CHRM3: variants seen among roughly 807,000 people sequenced by gnomAD.
The protein encoded by CHRM3 is cholinergic receptor muscarinic 3.
CHRM3 carries 11 observed loss-of-function variants against 41.8 expected under a neutral mutation model. The observed-to-expected ratio is 0.26, with a 90% CI of 0.17 to 0.44. CHRM3 has a LOEUF of 0.44. Ranked by LOEUF, CHRM3 falls within the 20% of genes least tolerant of loss-of-function variation. CHRM3 has a pLI of 1.00. For synonymous variants in CHRM3, 297 were observed against 301.4 expected (o/e 0.99, Z 0.15); for missense variants, 571 against 745.4 (o/e 0.77, Z 2.72).
chr1:239,705,273 G>T (rs1572039934), intron 5 of CHRM3: 1 of 152,282 alleles, frequency 6.6e-6, no homozygotes, highest in Non-Finnish European at 1.5e-5. Flanking sequence ...CCCTATCTGA[G>T]CACAGTCGAC....
chr1:239,851,292 G>T (rs992397059), intron 6 of CHRM3, among the ~76,000 whole-genome samples: 37 of 152,182 alleles, frequency 2.4e-4, no homozygotes, highest in African/African-American at 8.4e-4. Flanking sequence ...ATTTGAACTA[G>T]AATTTCCATC....
At chr1:239,724,095 A>C (rs755561124) in intron 5 of CHRM3, among the ~76,000 whole-genome samples, 5 of 151,756 alleles carry the variant, frequency 3.3e-5, no homozygotes, top group Non-Finnish European at 5.9e-5. Flanking sequence ...TATTGGCCCA[A>C]AGTCAGAAGC....
intron 3 of CHRM3, 168 bp downstream of exon 3, chr1:239,545,917 G>C (rs1378591744): frequency 6.6e-6 from 1 of 152,070 alleles, no homozygotes; most frequent in Admixed American, 6.6e-5. Flanking sequence ...AAAATGAAGA[G>C]GCATGCTGAG....
intron 2 of CHRM3, among the ~76,000 whole-genome samples, chr1:239,496,492 G>T (rs980700101): frequency 6.8e-6 from 1 of 147,948 alleles, no homozygotes; most frequent in East Asian, 2.0e-4. Flanking sequence ...GAAATATCTA[G>T]TGTATGCTAG....
chr1:239,867,737 C>T (rs932331449), intron 6 of CHRM3, among the ~76,000 whole-genome samples: 2 of 150,264 alleles, frequency 1.3e-5, no homozygotes, highest in South Asian at 2.1e-4. Context: ...CGGAACTTAA[C>T]ATCGTACCTA....
At chr1:239,651,988 T>G (rs1013107312) in intron 4 of CHRM3, among the ~76,000 whole-genome samples, 1,098 of 63,494 alleles carry the variant, frequency 0.017, 9 homozygotes, top group African/African-American at 0.063. Flanking sequence ...AGTTTTTGTT[T>G]TTTTTTTTTT....
chr1:239,675,709 A>C (rs1006576455), intron 4 of CHRM3, among the ~76,000 whole-genome samples: 1 of 152,256 alleles, frequency 6.6e-6, no homozygotes, highest in African/African-American at 2.4e-5. Flanking sequence ...TTGGAAAAGC[A>C]TTAAAAATAT....
At position 239,404,719 on chromosome 1, in the gene CHRM3, AATATATAT is replaced by A. The variant is rs67746016; in HGVS notation, c.-521+17523_-521+17530del. Among the ~76,000 whole-genome samples, 531 of 97,342 alleles carry A rather than the reference AATATATAT, an allele frequency of 5.5e-3. 7 individuals carry two copies. Among genetic ancestry groups the A allele is most frequent in the Admixed American group, 0.01 (91 of 8,850 alleles). 63.9% of individuals were successfully genotyped at this position (97,342 alleles called of 152,430 possible). On this transcript the variant is annotated intron_variant, in intron 1 of 6. Coordinates refer to ENST00000676153, the MANE Select transcript of CHRM3 (RefSeq NM_001375978.1). ...CATTAAATGTATCATGCTATATCTA[AATATATAT>A]ATATATATATATATATATATATATA... is the stretch of plus-strand genomic sequence containing the variant.
intron 5 of CHRM3, among the ~76,000 whole-genome samples, chr1:239,695,686 T>A (rs1201673616): frequency 3.9e-5 from 6 of 151,970 alleles, no homozygotes; most frequent in African/African-American, 1.4e-4. Context: ...GATTTTTCCC[T>A]CAGAGTACTC....
chr1:239,740,194 C>T (rs1038118720), intron 5 of CHRM3, among the ~76,000 whole-genome samples: 4 of 152,198 alleles, frequency 2.6e-5, no homozygotes, highest in Non-Finnish European at 5.9e-5. Context: ...AGAAATAATA[C>T]AACGGAATAG....
chr1:239,908,841 G>C lies in CHRM3; in HGVS notation c.1390G>C (p.Ala464Pro). The C allele has an allele frequency of 6.2e-7, 1 of 1,614,108 alleles. No homozygotes were observed. Among genetic ancestry groups the C allele is most frequent in the Non-Finnish European group, 8.5e-7 (1 of 1,180,048 alleles). ...LPLSFKEATL[A>P]KRFALKTRSQ... ...TCTGTCCTTCAAGGAAGCCACTCTG[G>C]CCAAGAGGTTTGCTCTGAAGACCAG... The change falls in exon 7 of 7, where the codon GCC becomes CCC. Residue 464 changes from alanine to proline, a missense_variant. By Grantham distance (27) the Ala-to-Pro change is conservative (BLOSUM62 -1). Transcript: ENST00000676153. The surrounding 1 kb of genome is among the most constrained non-coding windows in gnomAD (Gnocchi z 7.2).
intron 6 of CHRM3, among the ~76,000 whole-genome samples, chr1:239,905,340 G>A (rs1407942096): frequency 6.6e-6 from 1 of 152,142 alleles, no homozygotes; most frequent in Non-Finnish European, 1.5e-5. Flanking sequence ...ACATCACCTT[G>A]TTAGCTAAAT....
chr1:239,901,944 G>A (rs938811292), intron 6 of CHRM3, among the ~76,000 whole-genome samples: 2 of 152,016 alleles, frequency 1.3e-5, no homozygotes, highest in African/African-American at 4.8e-5. Flanking sequence ...TCACCTTTTT[G>A]TAGTACTTAT....
chr1:239,716,110 G>A (rs754174019), intron 5 of CHRM3, among the ~76,000 whole-genome samples: 4 of 152,104 alleles, frequency 2.6e-5, no homozygotes, highest in Non-Finnish European at 5.9e-5. Context: ...CAAACGAGAA[G>A]TGGGTACTAA....
intron 6 of CHRM3, among the ~76,000 whole-genome samples, chr1:239,856,836 G>A (rs1171307774): frequency 1.3e-5 from 2 of 152,128 alleles, no homozygotes; most frequent in African/African-American, 4.8e-5. Context: ...TCACTAGCTA[G>A]GATAGTGCAT....
chr1:239,636,950 G>T (rs1670522722), intron 4 of CHRM3, among the ~76,000 whole-genome samples: 5 of 152,282 alleles, frequency 3.3e-5, no homozygotes, highest in African/African-American at 1.2e-4. Context: ...TATTTGGATG[G>T]CACATTGGAT....
At chr1:239,639,548 G>C (rs1670868521) in intron 4 of CHRM3, among the ~76,000 whole-genome samples, 1 of 151,934 alleles carries the variant, frequency 6.6e-6, no homozygotes. Context: ...GTTCACTCAT[G>C]ATTTGGCTCT....
At chr1:239,559,937 A>G (rs928702229) in intron 3 of CHRM3, among the ~76,000 whole-genome samples, 3 of 152,176 alleles carry the variant, frequency 2.0e-5, no homozygotes, top group Middle Eastern at 3.2e-3. Flanking sequence ...TTATTTTGGC[A>G]TTGACCGCAG....
intron 3 of CHRM3, among the ~76,000 whole-genome samples, chr1:239,631,352 G>A (rs1452851641): frequency 2.0e-5 from 3 of 151,998 alleles, no homozygotes; most frequent in Non-Finnish European, 2.9e-5. Flanking sequence ...TGCACCTCTA[G>A]GATCCTTCTA....
Sources: gnomAD v4.1 joint callset for allele counts (sites outside exome capture counted in the v4.1 genomes callset) on GRCh38, gnomAD v4.1.1 for gene constraint, Gnocchi (gnomAD v3.1) non-coding constraint, MANE v1.5 for transcripts, NCBI Gene and HGNC (gene_info 2026-07-23, HGNC 2026-07-21) for gene names.